The following PLA2R1 variants were observed in gnomAD, a reference collection of about 807,000 sequenced individuals.
PLA2R1 encodes phospholipase A2 receptor 1.
In PLA2R1, 158 loss-of-function variants were observed where a neutral mutation model predicts 195.9. The ratio of observed to expected loss-of-function variants is 0.81; its 90% CI spans 0.71 to 0.92. PLA2R1 has a LOEUF of 0.92. Among genes scored for constraint, PLA2R1 ranks in the 40% least tolerant of loss-of-function variants. The probability of loss-of-function intolerance (pLI) is 0.00; values close to 1 mark genes in which losing one functional copy is unlikely to be tolerated. For synonymous variants in PLA2R1, 586 were observed against 598.2 expected (o/e 0.98, Z 0.30); for missense variants, 1,626 against 1,764.6 (o/e 0.92, Z 1.41).
intron 4 of PLA2R1, among the ~76,000 whole-genome samples, chr2:160,030,364 G>A (rs3792192): frequency 0.35 from 53,794 of 152,122 alleles, 11,846 homozygotes; most frequent in Non-Finnish European, 0.5. Context: ...AGCACCATTC[G>A]ATTGAATCGT....
chr2:160,014,330 A>C (rs953250581), intron 9 of PLA2R1, among the ~76,000 whole-genome samples: 1 of 151,844 alleles, frequency 6.6e-6, no homozygotes, highest in Non-Finnish European at 1.5e-5. Context: ...AAAATGACAA[A>C]CATGTAGGTC....
chr2:160,045,184 T>G, intron 1 of PLA2R1, 27 bp from the exon 2 acceptor site: 1 of 1,555,790 alleles, frequency 6.4e-7, no homozygotes, highest in African/African-American at 1.4e-5. Flanking sequence ...AGATGTGGCA[T>G]GAAATTTTCA....
In PLA2R1 at chr2:159,955,108, G is replaced by C. The variant is rs552083623; in HGVS notation, c.3301+91C>G. The C allele has an allele frequency of 2.2e-5, 20 of 915,072 alleles. No homozygotes were observed. In the East Asian group the frequency reaches 4.3e-4, roughly 20 times the overall value. 56.7% of individuals were successfully genotyped at this position (915,072 alleles called of 1,614,324 possible). On this transcript the variant is annotated intron_variant, in intron 23 of 29. Transcript: ENST00000283243. The stretch of plus-strand genomic sequence containing the variant: ...GACACTGTTAGCCAGGAAACTGTTA[G>C]CTACATTAGCTACACAGCTGTGTAA...
At chr2:159,952,343 A>G (rs1172051323) in intron 23 of PLA2R1, among the ~76,000 whole-genome samples, 2 of 152,206 alleles carry the variant, frequency 1.3e-5, no homozygotes, top group Admixed American at 6.5e-5. Flanking sequence ...TTCTGTTTAC[A>G]TAGAACATAT....
chr2:160,060,015 T>C (rs1271417117), intron 1 of PLA2R1, among the ~76,000 whole-genome samples: 2 of 152,218 alleles, frequency 1.3e-5, no homozygotes, highest in African/African-American at 4.8e-5. Flanking sequence ...TGATAAATCA[T>C]TGGAAAATCA....
chr2:159,968,997 A>C (rs972146698), intron 19 of PLA2R1, among the ~76,000 whole-genome samples: 1 of 152,176 alleles, frequency 6.6e-6, no homozygotes, highest in Non-Finnish European at 1.5e-5. Context: ...TTAAAGTTTC[A>C]TTGGGCCCAT....
In PLA2R1 at chr2:160,002,985, C is replaced by T. The variant is rs75395118; in HGVS notation, c.1834+2667G>A. On this transcript the variant is annotated intron_variant, in intron 11 of 29. Coordinates refer to ENST00000283243, the MANE Select transcript of PLA2R1 (RefSeq NM_007366.5). ...TGCTCTCTTTTCAGCTACATTGATT[C>T]TATTTTTTCTATTTCTTTTTCAATA... 1.5e-3 allele frequency among the ~76,000 whole-genome samples: 225 copies of T among 152,072 alleles called. 9 individuals are homozygous for T. In the East Asian group the frequency reaches 0.04, roughly 27 times the overall value.
In PLA2R1 at chr2:159,936,757, A is replaced by C. The variant is rs1686855456; in HGVS notation, c.*5021T>G. On this transcript the variant is annotated 3_prime_UTR_variant, in exon 30 of 30. Transcript: ENST00000283243. ...GTGCCATAGCAGCACTGGAAGCCCC[A>C]TGTTCTGGAGGTAGGACACAGCCTG... 1 of 152,182 alleles carries C rather than the reference A, an allele frequency of 6.6e-6. No individual in the cohort carries two copies. Among genetic ancestry groups the C allele is most frequent in the African/African-American group, 2.4e-5 (1 of 41,444 alleles). 9.4% of individuals were successfully genotyped at this position (152,182 alleles called of 1,614,324 possible). A position where few individuals can be genotyped will look rare whatever the true frequency, so the allele number is the denominator to read the frequency against.
chr2:160,013,745 GTGTGTGTCTC>G (rs1446922140), intron 9 of PLA2R1, among the ~76,000 whole-genome samples: 14 of 137,704 alleles, frequency 1.0e-4, no homozygotes, highest in African/African-American at 3.2e-4. Flanking sequence ...GTGTGTGTGT[GTGTGTGTCTC>G]TCTCTCTCTG....
the PLA2R1 span, among the ~76,000 whole-genome samples, chr2:159,923,979 G>C: frequency 6.6e-6 from 1 of 152,146 alleles, no homozygotes; most frequent in Non-Finnish European, 1.5e-5. Flanking sequence ...CTGGAGGTCA[G>C]AAGTCCAAAA....
chr2:160,001,632 A>T (rs1237227916), intron 11 of PLA2R1, among the ~76,000 whole-genome samples: 1 of 152,040 alleles, frequency 6.6e-6, no homozygotes, highest in Admixed American at 6.6e-5. Flanking sequence ...TACTAGGCCA[A>T]TACTAATTTT....
At chr2:159,977,257 T>C in intron 15 of PLA2R1, 27 bp downstream of exon 15, 1 of 1,561,256 alleles carries the variant, frequency 6.4e-7, no homozygotes, top group Non-Finnish European at 8.8e-7. Context: ...ATCAAACATA[T>C]AGCAAAGATC....
At chr2:159,943,535 A>G (rs1687207559) in intron 28 of PLA2R1, among the ~76,000 whole-genome samples, 1 of 152,190 alleles carries the variant, frequency 6.6e-6, no homozygotes, top group African/African-American at 2.4e-5. Flanking sequence ...AGTGGGCGGC[A>G]TGGAAAGAGC....
intron 15 of PLA2R1, 74 bp downstream of exon 15, chr2:159,977,210 G>A: frequency 9.3e-7 from 1 of 1,070,900 alleles, no homozygotes; most frequent in Non-Finnish European, 1.4e-6. Flanking sequence ...TGTGGTTTGG[G>A]GTGTTTAAAT....
chr2:160,020,155 G>T lies in PLA2R1; in HGVS notation c.1403C>A (p.Pro468His), dbSNP rs770668884. Residue 468 changes from proline (P) to histidine (H), a missense_variant, in exon 8 of 30, where the codon CCC becomes CAC. Physicochemically the swap from Pro to His is moderately conservative, Grantham distance 77. Coordinates refer to ENST00000283243, the MANE Select transcript of PLA2R1 (RefSeq NM_007366.5). ...CTGGCTTCTATTTGGAAAAATGTGG[G>T]GCTCAAGTGTGTGCCAATTAGTAAA... Reference protein sequence around the residue: ...VIFTNWHTLEPHIFPNRSQLC... With the variant: ...VIFTNWHTLEHHIFPNRSQLC... 1 of 1,613,732 alleles carries T rather than the reference G, an allele frequency of 6.2e-7. No individual in the cohort carries two copies. Among genetic ancestry groups the T allele is most frequent in the Non-Finnish European group, 8.5e-7 (1 of 1,179,744 alleles).
chr2:160,029,030 T>C (rs1693693542), intron 4 of PLA2R1, 67 bp from the exon 5 acceptor site: 1 of 850,630 alleles, frequency 1.2e-6, no homozygotes, highest in African/African-American at 1.6e-5. Flanking sequence ...GTTCTCCTAT[T>C]CCTGGATCAT....
chr2:159,945,909 C>CAT (rs374499390), intron 27 of PLA2R1: 2,364 of 827,520 alleles, frequency 2.9e-3, no homozygotes, highest in Middle Eastern at 3.8e-3. Flanking sequence ...TGAAATATTC[C>CAT]ATATATATAT....
At chr2:159,989,935 T>C (rs763565049) in intron 11 of PLA2R1, among the ~76,000 whole-genome samples, 2 of 152,144 alleles carry the variant, frequency 1.3e-5, no homozygotes, top group Non-Finnish European at 2.9e-5. Context: ...ATTCGACTCA[T>C]CTTCATTAGT....
intron 3 of PLA2R1, among the ~76,000 whole-genome samples, chr2:160,037,712 C>T (rs982835111): frequency 1.6e-4 from 25 of 152,158 alleles, no homozygotes; most frequent in African/African-American, 3.1e-4. Context: ...CATGCATCTC[C>T]GTGTGAATAT....
Sources: gnomAD v4.1 joint callset for allele counts (sites outside exome capture counted in the v4.1 genomes callset) on GRCh38, gnomAD v4.1.1 for gene constraint, MANE v1.5 for transcripts, NCBI Gene and HGNC (gene_info 2026-07-23, HGNC 2026-07-21) for gene names.